Variants in UNC79 observed in about 807,000 individuals in gnomAD.
The protein encoded by UNC79 is protein unc-79 homolog.
A neutral mutation model predicts 283.1 loss-of-function variants in UNC79; 37 were observed. The ratio of observed to expected loss-of-function variants is 0.13; its 90% CI spans 0.10 to 0.17. The LOEUF is 0.17. Ranked by LOEUF, UNC79 falls within the 10% of genes least tolerant of loss-of-function variation. UNC79 has a pLI of 1.00. For synonymous variants in UNC79, 1,107 were observed against 1,200.2 expected, an observed-to-expected ratio of 0.92 and a Z score of 1.61; for missense variants, 2,272 against 3,211.1, an observed-to-expected ratio of 0.71 and a Z score of 7.07.
chr14:93,616,372 T>C (rs903684904), intron 27 of UNC79, among the ~76,000 whole-genome samples: 2 of 145,364 alleles, frequency 1.4e-5, no homozygotes, highest in African/African-American at 5.1e-5. Context: ...TTTCCTTTTT[T>C]TTTTTTTTTT....
At chr14:93,466,920 A>C in intron 1 of UNC79, 2 of 985,328 alleles carry the variant, frequency 2.0e-6, no homozygotes, top group Non-Finnish European at 2.4e-6. Flanking sequence ...GAGGGTAAAT[A>C]AATCTATTGA....
chr14:93,499,343 C>A (rs2059174082), intron 7 of UNC79, among the ~76,000 whole-genome samples: 1 of 152,196 alleles, frequency 6.6e-6, no homozygotes. Flanking sequence ...ATTTGACACT[C>A]CTTCCCATTC....
chr14:93,656,531 G>A lies in UNC79; in HGVS notation c.6456+1124G>A, dbSNP rs993636606. 2.6e-5 allele frequency among the ~76,000 whole-genome samples: 4 copies of A among 152,076 alleles called. 1 individual carries two copies. Among genetic ancestry groups the A allele is most frequent in the Admixed American group, 2.0e-4 (3 of 15,266 alleles). ...TAGCTGGGCAAGGTGGCATGCACCT[G>A]TAGTCCCAGCTACTTGGGAGGCTGA... On this transcript the variant is annotated intron_variant, in intron 38 of 48. Coordinates refer to ENST00000555664, the Ensembl canonical transcript of UNC79.
chr14:93,427,072 C>T (rs1275387878), upstream of UNC79, among the ~76,000 whole-genome samples: 1 of 152,054 alleles, frequency 6.6e-6, no homozygotes, highest in Non-Finnish European at 1.5e-5. Context: ...CAGTTTAGTT[C>T]TTGAATCCCT....
intron 14 of UNC79, among the ~76,000 whole-genome samples, chr14:93,556,827 C>A (rs1195535857): frequency 1.3e-5 from 2 of 152,132 alleles, no homozygotes; most frequent in Non-Finnish European, 2.9e-5. Flanking sequence ...TTAAAAAAAA[C>A]TCTTTTAAAT....
chr14:93,555,105 A>G (rs1176416965), intron 14 of UNC79, among the ~76,000 whole-genome samples: 1 of 152,238 alleles, frequency 6.6e-6, no homozygotes, highest in East Asian at 1.9e-4. Flanking sequence ...TGACCTGCCT[A>G]ATTTAGACTG....
chr14:93,581,283 C>G (rs116453791), intron 19 of UNC79, among the ~76,000 whole-genome samples: 1,664 of 151,738 alleles, frequency 0.011, 28 homozygotes, highest in African/African-American at 0.038. Flanking sequence ...ACTTAAGAAT[C>G]CTCCTACCTC....
At chr14:93,352,596 T>G (rs2053999704) in intron 1 of UNC79, among the ~76,000 whole-genome samples, 1 of 152,178 alleles carries the variant, frequency 6.6e-6, no homozygotes, top group South Asian at 2.1e-4. Flanking sequence ...TGTTCTTGTT[T>G]GGGGTAGTTT....
At chr14:93,485,463 C>G (rs1349686330) in intron 4 of UNC79, among the ~76,000 whole-genome samples, 2 of 151,988 alleles carry the variant, frequency 1.3e-5, no homozygotes, top group Non-Finnish European at 2.9e-5. Context: ...ATTAATTAAA[C>G]AGGTACTTTC....
At chr14:93,651,977 G>T (rs1445687873) in intron 35 of UNC79, among the ~76,000 whole-genome samples, 2 of 128,404 alleles carry the variant, frequency 1.6e-5, no homozygotes, top group Non-Finnish European at 3.1e-5. Flanking sequence ...GGTCAGGCTG[G>T]TCTGGAACTC....
chr14:93,632,434 T>C (rs1184054550), intron 31 of UNC79, among the ~76,000 whole-genome samples: 1 of 152,200 alleles, frequency 6.6e-6, no homozygotes, highest in East Asian at 1.9e-4. Context: ...GTGTGGTGGC[T>C]CACGCCTGTA....
intron 40 of UNC79, among the ~76,000 whole-genome samples, chr14:93,668,504 A>C (rs1240699783): frequency 6.6e-6 from 1 of 152,012 alleles, no homozygotes; most frequent in Non-Finnish European, 1.5e-5. Flanking sequence ...TGAGCCCAGG[A>C]GCCTGAGACC....
rs1380930170 is a variant in UNC79, at chr14:93,695,257, G to A, written c.7548+845G>A. On this transcript the variant is annotated intron_variant, in intron 47 of 48. Transcript: ENST00000555664. Reference sequence around the variant, plus strand: ...AACCACCATCACCACCCACTAGTGGGCATCAACTTGGAACCTTATAACTTG... The same window carrying A: ...AACCACCATCACCACCCACTAGTGGACATCAACTTGGAACCTTATAACTTG... 2.0e-5 allele frequency among the ~76,000 whole-genome samples: 3 copies of A among 152,198 alleles called. No homozygotes were observed. In the East Asian group the frequency reaches 5.8e-4, roughly 29 times the overall value.
chr14:93,566,270 A>G (rs191207978), intron 14 of UNC79, among the ~76,000 whole-genome samples: 62 of 152,286 alleles, frequency 4.1e-4, no homozygotes, highest in Middle Eastern at 3.4e-3. Context: ...GGAAATTGAC[A>G]TGGGGCCAAG....
intron 32 of UNC79, among the ~76,000 whole-genome samples, chr14:93,638,705 G>A (rs2068731893): frequency 6.6e-6 from 1 of 152,188 alleles, no homozygotes; most frequent in South Asian, 2.1e-4. Context: ...CTATTCAGAA[G>A]GGGAGCCAGT....
rs1007134699 is a variant in UNC79 at position 93,582,445 on chromosome 14, G to A, written c.2803+101G>A. ...AATATCGACTTGGGCAAATTCAGACGTGGTTTCCTTAGTATAGACTCGTGC... is the reference window on the plus strand; with the variant it reads ...AATATCGACTTGGGCAAATTCAGACATGGTTTCCTTAGTATAGACTCGTGC... On this transcript the variant is annotated intron_variant, in intron 20 of 48. Coordinates refer to ENST00000555664, the Ensembl canonical transcript of UNC79. 46 of 1,509,926 alleles carry A rather than the reference G, an allele frequency of 3.0e-5. 1 individual carries two copies. In the South Asian group the frequency reaches 4.4e-4, roughly 14 times the overall value. The allele number at this position is 1,509,926 out of a possible 1,614,324, so 93.5% of individuals were successfully genotyped here.
At chr14:93,590,603 G>A (rs1214235756) in intron 22 of UNC79, among the ~76,000 whole-genome samples, 8 of 152,142 alleles carry the variant, frequency 5.3e-5, no homozygotes, top group African/African-American at 1.7e-4. Flanking sequence ...CTACCCACTC[G>A]GCCTTTAGGG....
chr14:93,527,993 C>G (rs1164313974), intron 8 of UNC79, among the ~76,000 whole-genome samples: 2 of 148,518 alleles, frequency 1.3e-5, no homozygotes, highest in African/African-American at 4.9e-5. Context: ...AAAAAAAACA[C>G]ATGAAAAAGA....
At chr14:93,558,126 A>G (rs549183686) in intron 14 of UNC79, among the ~76,000 whole-genome samples, 1 of 152,344 alleles carries the variant, frequency 6.6e-6, no homozygotes, top group African/African-American at 2.4e-5. Flanking sequence ...CAGCAGACTT[A>G]TAGGGGTCCT....
Sources: gnomAD v4.1 joint callset for allele counts (sites outside exome capture counted in the v4.1 genomes callset) on GRCh38, gnomAD v4.1.1 for gene constraint, MANE v1.5 for transcripts, NCBI Gene and HGNC (gene_info 2026-07-23, HGNC 2026-07-21) for gene names.